EGFLAM: variants seen among roughly 807,000 people sequenced by gnomAD.
EGFLAM encodes the protein pikachurin.
EGFLAM carries 79 observed loss-of-function variants against 113.1 expected under a neutral mutation model. That is an observed-to-expected ratio of 0.70 (90% CI 0.58 to 0.84). The LOEUF is 0.84. EGFLAM is among the 40% of genes least tolerant of loss of function. The probability of loss-of-function intolerance (pLI) is 0.00; values close to 1 mark genes in which losing one functional copy is unlikely to be tolerated. For synonymous variants in EGFLAM, 504 were observed against 487.6 expected (o/e 1.03, Z -0.44); for missense variants, 1,265 against 1,291.6 (o/e 0.98, Z 0.32).
chr5:38,300,695 A>G (rs1758555466), intron 1 of EGFLAM, among the ~76,000 whole-genome samples: 1 of 152,172 alleles, frequency 6.6e-6, no homozygotes, highest in Admixed American at 6.5e-5. Context: ...TTTTGAAGTA[A>G]AGCTCTGGCT....
chr5:38,407,029 G>C lies in EGFLAM; in HGVS notation c.1030G>C (p.Asp344His). 1 of 1,614,190 alleles carries C rather than the reference G, an allele frequency of 6.2e-7. No individual in the cohort carries two copies. The highest frequency in any genetic ancestry group is 8.5e-7 in the Non-Finnish European group (1 of 1,180,042). ...TGTGGCCATAATGTCAAGGCTCTTT[G>C]ACATGCCTTGTGATGAAACTCTCTG... ...NGVAIMSRLF[D>H]MPCDETLCSA... The change falls in exon 8 of 22, where the codon GAC becomes CAC. Residue 344 changes from aspartate to histidine, a missense_variant. By Grantham distance (81) the Asp-to-His change is moderately conservative (BLOSUM62 -1). Transcript: ENST00000322350.
intron 20 of EGFLAM, among the ~76,000 whole-genome samples, chr5:38,460,524 C>G (rs1300546724): frequency 1.3e-5 from 2 of 152,192 alleles, no homozygotes; most frequent in Non-Finnish European, 2.9e-5. Context: ...GGAAGAATTT[C>G]ACATGTCAGA....
chr5:38,296,196 C>G (rs1374999029), intron 1 of EGFLAM, among the ~76,000 whole-genome samples: 18 of 152,138 alleles, frequency 1.2e-4, no homozygotes, highest in Non-Finnish European at 2.6e-4. Flanking sequence ...AGAGTTGTCT[C>G]CATCTTTGTG....
rs187417269 is a variant in EGFLAM, at chr5:38,408,659, G to A, written c.1249-345G>A. ...AAAGAACAAAGTGAAAATAGAATTG[G>A]ATGTACACCAGCAATGTCCTCACTG... is the stretch of plus-strand genomic sequence containing the variant. On this transcript the variant is annotated intron_variant, in intron 9 of 21. Transcript: ENST00000322350. Among the ~76,000 whole-genome samples the A allele has an allele frequency of 2.8e-3, 433 of 152,312 alleles. 2 individuals carry two copies. Among genetic ancestry groups the A allele is most frequent in the Middle Eastern group, 6.8e-3 (2 of 294 alleles).
intron 16 of EGFLAM, among the ~76,000 whole-genome samples, chr5:38,436,435 A>G (rs893093405): frequency 2.0e-5 from 3 of 152,140 alleles, no homozygotes; most frequent in Non-Finnish European, 4.4e-5. Context: ...TGACCATTTT[A>G]TCTCGCATCG....
chr5:38,369,261 C>T (rs73075423), intron 5 of EGFLAM, among the ~76,000 whole-genome samples: 7,089 of 152,206 alleles, frequency 0.047, 183 homozygotes, highest in East Asian at 0.078. Flanking sequence ...AAAATATACT[C>T]GTTTGAACAT....
At position 38,448,090 on chromosome 5, in the gene EGFLAM, C is replaced by T. The variant is rs76548492; in HGVS notation, c.2465-211C>T. ...GGCCAGAGGCAGGGACAATACTTCC[C>T]CAGGAGGGAAAAATGGGGGAGAAGC... On this transcript the variant is annotated intron_variant, in intron 17 of 21. Transcript: ENST00000322350. 8.3e-3 allele frequency among the ~76,000 whole-genome samples: 1,259 copies of T among 152,214 alleles called. 13 individuals are homozygous for T. The highest frequency in any genetic ancestry group is 0.029 in the African/African-American group (1,210 of 41,532).
At chr5:38,376,096 T>C (rs968183827) in intron 6 of EGFLAM, among the ~76,000 whole-genome samples, 2 of 152,158 alleles carry the variant, frequency 1.3e-5, no homozygotes, top group Non-Finnish European at 2.9e-5. Flanking sequence ...CCAGCAGCAT[T>C]ATAGTTTCCT....
In EGFLAM at chr5:38,348,647, TAGG is replaced by T. The variant is rs536825065; in HGVS notation, c.292-1850_292-1848del. On this transcript the variant is annotated intron_variant, in intron 3 of 21. Coordinates refer to ENST00000322350, the MANE Select transcript of EGFLAM (RefSeq NM_152403.4). ...AGGTGGGCGTAAGTTCAGGAGTAAA[TAGG>T]AGGTGAGGCAGCAAAGAGAACTTCA... Among the ~76,000 whole-genome samples, 646 of 152,066 alleles carry T rather than the reference TAGG, an allele frequency of 4.2e-3. 6 individuals are homozygous for T. Among genetic ancestry groups the T allele is most frequent in the African/African-American group, 0.013 (559 of 41,446 alleles).
intron 5 of EGFLAM, 127 bp downstream of exon 5, chr5:38,352,458 C>A (rs1008760036): frequency 1.0e-5 from 13 of 1,242,068 alleles, no homozygotes; most frequent in Non-Finnish European, 1.4e-5. Context: ...ACCAGCCTGA[C>A]CAACATGGTG....
intron 3 of EGFLAM, among the ~76,000 whole-genome samples, chr5:38,343,482 G>A (rs998830096): frequency 1.3e-5 from 2 of 151,810 alleles, no homozygotes; most frequent in Admixed American, 1.3e-4. Context: ...CCCCTCCTGG[G>A]CGTTTTGGTA....
chr5:38,371,691 G>GA (rs1047180046), intron 6 of EGFLAM, among the ~76,000 whole-genome samples: 3 of 150,242 alleles, frequency 2.0e-5, no homozygotes, highest in African/African-American at 7.3e-5. Flanking sequence ...GATCACCCAG[G>GA]AAAAAAAAAT....
intron 3 of EGFLAM, among the ~76,000 whole-genome samples, chr5:38,347,222 T>C (rs900146128): frequency 1.3e-5 from 2 of 152,208 alleles, no homozygotes; most frequent in African/African-American, 4.8e-5. Context: ...TCTGTTTACA[T>C]GAGACATCTT....
chr5:38,399,439 G>A (rs1053164006), intron 6 of EGFLAM, among the ~76,000 whole-genome samples: 13 of 151,920 alleles, frequency 8.6e-5, no homozygotes, highest in African/African-American at 3.1e-4. Context: ...CACTATGCCT[G>A]GCTAATTTTT....
chr5:38,374,507 G>T (rs1049180697), intron 6 of EGFLAM, among the ~76,000 whole-genome samples: 1 of 152,040 alleles, frequency 6.6e-6, no homozygotes, highest in African/African-American at 2.4e-5. Flanking sequence ...CCAGATTACC[G>T]GTCTGGGTGG....
At chr5:38,456,497 A>G (rs926696485) in intron 19 of EGFLAM, among the ~76,000 whole-genome samples, 2 of 152,192 alleles carry the variant, frequency 1.3e-5, no homozygotes, top group South Asian at 4.1e-4. Context: ...AGGCTGCTTT[A>G]TACAAGGAGG....
At chr5:38,409,952 C>T (rs929759589) in intron 10 of EGFLAM, among the ~76,000 whole-genome samples, 16 of 152,112 alleles carry the variant, frequency 1.1e-4, no homozygotes, top group Admixed American at 9.8e-4. Flanking sequence ...CCAACGGGCA[C>T]CAGCCTTGTC....
At chr5:38,301,304 G>A (rs536492340) in intron 1 of EGFLAM, among the ~76,000 whole-genome samples, 1 of 152,278 alleles carries the variant, frequency 6.6e-6, no homozygotes, top group African/African-American at 2.4e-5. Context: ...ACTGTCAGGA[G>A]GAGCAAGTGA....
intron 5 of EGFLAM, among the ~76,000 whole-genome samples, chr5:38,363,354 A>G (rs1405510494): frequency 6.6e-6 from 1 of 152,210 alleles, no homozygotes; most frequent in African/African-American, 2.4e-5. Flanking sequence ...TTTCCTGGAT[A>G]GAATTCAGGA....
Sources: allele counts gnomAD v4.1 joint callset (sites outside exome capture counted in the v4.1 genomes callset), GRCh38; gene constraint gnomAD v4.1.1; transcripts MANE v1.5; gene names NCBI Gene and HGNC (gene_info 2026-07-23, HGNC 2026-07-21).